The following DLG2 variants were observed in gnomAD, a reference collection of about 807,000 sequenced individuals.
The protein encoded by DLG2 is discs large MAGUK scaffold protein 2.
A neutral mutation model predicts 132.5 loss-of-function variants in DLG2; 45 were observed. The ratio of observed to expected loss-of-function variants is 0.34; its 90% confidence interval spans 0.27 to 0.44. The LOEUF is 0.44. Among genes scored for constraint, DLG2 ranks in the 20% least tolerant of loss-of-function variants. The pLI is 1.00. For missense variants in DLG2, 1,045 were observed against 1,196.9 expected, an observed-to-expected ratio of 0.87 and a Z score of 1.87; for synonymous variants, 424 against 419.6, an observed-to-expected ratio of 1.01 and a Z score of -0.13.
intron 6 of DLG2, among the ~76,000 whole-genome samples, chr11:85,039,818 A>G (rs1437078695): frequency 6.6e-6 from 1 of 151,976 alleles, no homozygotes; most frequent in Admixed American, 6.6e-5. Flanking sequence ...TGTATCTTTA[A>G]TATCTAGCAC....
chr11:84,938,129 A>T (rs1471891262), intron 6 of DLG2, among the ~76,000 whole-genome samples: 2 of 152,208 alleles, frequency 1.3e-5, no homozygotes, highest in Non-Finnish European at 2.9e-5. Flanking sequence ...ACTGGAGCTC[A>T]GAGAAATTAA....
chr11:84,609,049 C>G (rs1174662698), intron 6 of DLG2, among the ~76,000 whole-genome samples: 2 of 152,166 alleles, frequency 1.3e-5, no homozygotes, highest in African/African-American at 4.8e-5. Context: ...TACGCTGCCT[C>G]TTAATGCTAC....
At chr11:84,653,808 C>T (rs1329358209) in intron 6 of DLG2, among the ~76,000 whole-genome samples, 3 of 152,126 alleles carry the variant, frequency 2.0e-5, no homozygotes, top group Non-Finnish European at 4.4e-5. Context: ...CTCTTTCATG[C>T]AATAACAGGA....
chr11:84,480,876 C>G (rs768569454), intron 7 of DLG2, among the ~76,000 whole-genome samples: 20 of 151,140 alleles, frequency 1.3e-4, no homozygotes, highest in Non-Finnish European at 2.4e-4. Context: ...GTAGCTGGGA[C>G]TACAGGCATA....
chr11:84,783,935 G>A (rs2072312105), intron 6 of DLG2, among the ~76,000 whole-genome samples: 1 of 151,848 alleles, frequency 6.6e-6, no homozygotes, highest in African/African-American at 2.4e-5. Flanking sequence ...GGAAGCAAAT[G>A]GAGTTTTCTA....
At chr11:85,545,621 G>A (rs1326253569) in intron 3 of DLG2, among the ~76,000 whole-genome samples, 2 of 152,108 alleles carry the variant, frequency 1.3e-5, no homozygotes, top group South Asian at 2.1e-4. Context: ...GTGGTCCTGG[G>A]CTTTTTTTGG....
intron 18 of DLG2, among the ~76,000 whole-genome samples, chr11:83,785,346 A>T (rs1466791708): frequency 6.6e-6 from 1 of 152,154 alleles, no homozygotes; most frequent in African/African-American, 2.4e-5. Context: ...AAGCCACCGC[A>T]CACGGCCTAT....
At chr11:85,012,865 T>C (rs551396730) in intron 6 of DLG2, among the ~76,000 whole-genome samples, 1 of 152,258 alleles carries the variant, frequency 6.6e-6, no homozygotes, top group Admixed American at 6.5e-5. Context: ...GACACTTAGA[T>C]GTTAGGTGAC....
chr11:83,763,568 T>C (rs1053250551), intron 18 of DLG2, among the ~76,000 whole-genome samples: 12 of 152,234 alleles, frequency 7.9e-5, no homozygotes, highest in African/African-American at 2.9e-4. Flanking sequence ...CTGTTCACCA[T>C]GTGAGTTGCA....
Position 83,774,791 on chromosome 11 carries a change from C to T in DLG2, c.1825+11899G>A, listed in dbSNP as rs575064271. Among the ~76,000 whole-genome samples the T allele has an allele frequency of 1.3e-4, 20 of 152,242 alleles. No individual in the cohort carries two copies. The South Asian group carries it at 4.2e-3, about 32-fold the overall frequency. On this transcript the variant is annotated intron_variant, in intron 18 of 27. Coordinates refer to ENST00000376104, the MANE Select transcript of DLG2 (RefSeq NM_001142699.3). ...CATGGCCTACTCCATTCTGAACATTCTACATCCATTTTCACTAATCTTCCA... is the reference window on the plus strand; with the variant it reads ...CATGGCCTACTCCATTCTGAACATTTTACATCCATTTTCACTAATCTTCCA...
chr11:83,657,278 G>A (rs2072783564), intron 18 of DLG2, among the ~76,000 whole-genome samples: 1 of 138,688 alleles, frequency 7.2e-6, no homozygotes, highest in South Asian at 2.1e-4. Context: ...CCCATCAGCA[G>A]GAGTGAGGTG....
chr11:85,361,885 CT>C (rs1370703407), intron 3 of DLG2, among the ~76,000 whole-genome samples: 1 of 152,154 alleles, frequency 6.6e-6, no homozygotes, highest in Non-Finnish European at 1.5e-5. Context: ...CTGTAGATTG[CT>C]TTGGACAGTG....
At position 83,508,465 on chromosome 11, in the gene DLG2, G is replaced by A. The variant is rs550972323; in HGVS notation, c.2194-24237C>T. Among the ~76,000 whole-genome samples the A allele has an allele frequency of 5.9e-3, 821 of 139,364 alleles. 15 individuals carry two copies. Among genetic ancestry groups the A allele is most frequent in the African/African-American group, 0.022 (791 of 35,954 alleles). 91.4% of individuals were successfully genotyped at this position (139,364 alleles called of 152,430 possible). A position where few individuals can be genotyped will look rare whatever the true frequency, so the allele number is the denominator to read the frequency against. ...TTCACCAGTTAGCCAGGATGGTCTC[G>A]ATCTCCTGACCTCATGATCCACCTG... is the stretch of plus-strand genomic sequence containing the variant. On this transcript the variant is annotated intron_variant, in intron 21 of 27. Coordinates refer to ENST00000376104, the MANE Select transcript of DLG2 (RefSeq NM_001142699.3).
chr11:83,756,040 TATTTA>T (rs1465911536), intron 18 of DLG2, among the ~76,000 whole-genome samples: 1 of 151,480 alleles, frequency 6.6e-6, no homozygotes, highest in African/African-American at 2.5e-5. Context: ...TTCCTCGGTA[TATTTA>T]ATTCTTCTTA....
At position 85,438,834 on chromosome 11, in the gene DLG2, C is replaced by T. The variant is rs551273706; in HGVS notation, c.41-153469G>A. On this transcript the variant is annotated intron_variant, in intron 3 of 27. Transcript: ENST00000376104. ...TGTCCTTTTATAACCCCACCCACCT[C>T]ATCTCATCCCCACCTCTATCTCTAC... Among the ~76,000 whole-genome samples the T allele has an allele frequency of 4.4e-4, 67 of 152,268 alleles. 1 individual carries two copies. The South Asian group carries it at 0.012, about 27-fold the overall frequency.
In DLG2 at chr11:85,483,664, C is replaced by T. The variant is rs180728933; in HGVS notation, c.40+114993G>A. The stretch of plus-strand genomic sequence containing the variant: ...AAGACAATCTATTAAGAATAATAGG[C>T]CAGGCGTGGTGGCTCACACCTATAA... On this transcript the variant is annotated intron_variant, in intron 3 of 27. Transcript: ENST00000376104. Among the ~76,000 whole-genome samples the T allele has an allele frequency of 1.1e-4, 17 of 152,156 alleles. 1 individual carries two copies. The South Asian group carries it at 2.9e-3, about 26-fold the overall frequency.
At chr11:84,931,051 A>T (rs973610064) in intron 6 of DLG2, among the ~76,000 whole-genome samples, 31 of 151,298 alleles carry the variant, frequency 2.0e-4, no homozygotes, top group Non-Finnish European at 2.9e-5. Flanking sequence ...CTTCACCCTC[A>T]CCCTCCACAC....
chr11:84,671,365 A>C (rs886896109), intron 6 of DLG2, among the ~76,000 whole-genome samples: 34 of 152,038 alleles, frequency 2.2e-4, no homozygotes, highest in African/African-American at 8.0e-4. Flanking sequence ...GGCCTACCAA[A>C]GTGCTGGAAT....
intron 2 of DLG2, among the ~76,000 whole-genome samples, chr11:85,615,157 T>C (rs1417748532): frequency 6.6e-6 from 1 of 152,204 alleles, no homozygotes; most frequent in East Asian, 1.9e-4. Context: ...TCAAATTTTC[T>C]ATAAACTTGT....
Sources: allele counts gnomAD v4.1 joint callset (sites outside exome capture counted in the v4.1 genomes callset), GRCh38; gene constraint gnomAD v4.1.1; transcripts MANE v1.5; gene names NCBI Gene and HGNC (gene_info 2026-07-23, HGNC 2026-07-21).